USP34: variants seen among roughly 807,000 people sequenced by gnomAD.
USP34 encodes ubiquitin carboxyl-terminal hydrolase 34.
A neutral mutation model predicts 460.3 loss-of-function variants in USP34; 70 were observed. The ratio of observed to expected loss-of-function variants is 0.15; its 90% CI spans 0.13 to 0.19. The LOEUF is 0.19. Among genes scored for constraint, USP34 ranks in the 10% least tolerant of loss-of-function variants. The probability of loss-of-function intolerance (pLI) is 1.00; values close to 1 mark genes in which losing one functional copy is unlikely to be tolerated. For missense variants in USP34, 3,985 were observed against 4,236.2 expected (o/e 0.94, Z 1.65); for synonymous variants, 1,647 against 1,405.3 (o/e 1.17, Z -3.85).
At chr2:61,280,187 T>A (rs1483760310) in intron 39 of USP34, 57 bp downstream of exon 39, 1 of 1,015,344 alleles carries the variant, frequency 9.8e-7, no homozygotes, top group Non-Finnish European at 1.4e-6. Context: ...ACATATGTCA[T>A]AATTCATATT....
intron 27 of USP34, among the ~76,000 whole-genome samples, chr2:61,310,251 G>C (rs1386140353): frequency 6.6e-6 from 1 of 151,998 alleles, no homozygotes; most frequent in Non-Finnish European, 1.5e-5. Context: ...TCCATAATGA[G>C]GTATTTATCC....
intron 3 of USP34, among the ~76,000 whole-genome samples, chr2:61,402,152 T>TGCCTA (rs1693739809): frequency 6.6e-6 from 1 of 151,996 alleles, no homozygotes; most frequent in South Asian, 2.1e-4. Flanking sequence ...CTGTAGTGAA[T>TGCCTA]GCCTAGTGTC....
At chr2:61,386,810 C>A (rs1180400422) in intron 5 of USP34, among the ~76,000 whole-genome samples, 1 of 152,046 alleles carries the variant, frequency 6.6e-6, no homozygotes, top group Admixed American at 6.6e-5. Context: ...ACAAAAAAAA[C>A]TTTGTAAGTA....
rs1016713991 is a variant in USP34, at chr2:61,394,885, T to C, written c.721A>G (p.Ile241Val). ...ACAACTGTAATAAACGCATGTGCTA[T>C]AAGAAATGGCAAAGTTTCAGGAGTT... is the stretch of plus-strand genomic sequence containing the variant. ...YGTPETLPFLIAHAFITVVSN... is the reference protein window; with the variant it reads ...YGTPETLPFLVAHAFITVVSN... The change falls in exon 5 of 80, where the codon ATA becomes GTA. Residue 241 changes from isoleucine (I) to valine (V), a missense_variant. Ile to Val is a conservative substitution (Grantham distance 29). Transcript: ENST00000398571. 1.9e-6 allele frequency: 3 copies of C among 1,596,418 alleles called. No individual in the cohort carries two copies. Among genetic ancestry groups the C allele is most frequent in the East Asian group, 2.3e-5 (1 of 44,186 alleles).
rs1198310836 is a variant in USP34 at position 61,229,002 on chromosome 2, G to C, written c.7200-7C>G. 3 of 1,552,858 alleles carry C rather than the reference G, an allele frequency of 1.9e-6. No homozygotes were observed. The highest frequency in any genetic ancestry group is 4.0e-5 in the Admixed American group (2 of 50,230). Reference sequence around the variant, plus strand: ...GGTATCCATATCATCTGACCTAAGAGACAATTAAATAGATCTTAGAGAATG... The same window carrying C: ...GGTATCCATATCATCTGACCTAAGACACAATTAAATAGATCTTAGAGAATG... On this transcript the variant is annotated splice_region_variant and splice_polypyrimidine_tract_variant and intron_variant, in intron 59 of 79. Coordinates refer to ENST00000398571, the MANE Select transcript of USP34 (RefSeq NM_014709.4).
At position 61,284,927 on chromosome 2, in the gene USP34, A is replaced by G. The variant is rs1418980384; in HGVS notation, c.4780T>C (p.Leu1594=). 6.2e-7 allele frequency: 1 copy of G among 1,611,382 alleles called. No individual in the cohort carries two copies. The highest frequency in any genetic ancestry group is 8.5e-7 in the Non-Finnish European group (1 of 1,179,046). Residue 1594 remains leucine, a synonymous_variant, in exon 35 of 80, where the codon TTG becomes CTG. Coordinates refer to ENST00000398571, the MANE Select transcript of USP34 (RefSeq NM_014709.4). ...VFLVLVQGTS[L]IQRLMSVAYT... The stretch of plus-strand genomic sequence containing the variant: ...GCAACAGACATAAGTCGCTGAATCA[A>G]ACTGGTTCCTTGGACAAGAACAAGA...
chr2:61,367,894 G>A (rs147216143), intron 10 of USP34, among the ~76,000 whole-genome samples: 325 of 152,156 alleles, frequency 2.1e-3, no homozygotes, highest in Non-Finnish European at 3.5e-3. Flanking sequence ...GCTAAAATTC[G>A]TATGAAGAAA....
At chr2:61,367,814 T>C (rs1440677721) in intron 10 of USP34, among the ~76,000 whole-genome samples, 2 of 152,140 alleles carry the variant, frequency 1.3e-5, no homozygotes, top group African/African-American at 4.8e-5. Flanking sequence ...TATCATACTT[T>C]GGACAGGAAG....
chr2:61,335,854 G>A (rs1691400108), intron 18 of USP34, among the ~76,000 whole-genome samples: 1 of 152,178 alleles, frequency 6.6e-6, no homozygotes, highest in South Asian at 2.1e-4. Context: ...TATTCCAAGA[G>A]TTTGTGTTGT....
intron 62 of USP34, among the ~76,000 whole-genome samples, chr2:61,226,355 C>G (rs1360133742): frequency 6.6e-6 from 1 of 152,178 alleles, no homozygotes; most frequent in African/African-American, 2.4e-5. Flanking sequence ...CCCCGAGTGC[C>G]ACTTTTGGCA....
At chr2:61,448,953 G>C (rs893603550) in intron 1 of USP34, among the ~76,000 whole-genome samples, 2 of 152,134 alleles carry the variant, frequency 1.3e-5, no homozygotes, top group African/African-American at 2.4e-5. Flanking sequence ...TTGGGAGTTC[G>C]AGACCAGCCT....
intron 47 of USP34, 87 bp from the exon 48 acceptor site, chr2:61,256,565 A>C: frequency 2.8e-6 from 3 of 1,087,174 alleles, no homozygotes; most frequent in Non-Finnish European, 3.8e-6. Context: ...TTTTGACAGA[A>C]TGCTCAGCAA....
chr2:61,238,006 T>G (rs1038992845), intron 53 of USP34, among the ~76,000 whole-genome samples: 11 of 151,874 alleles, frequency 7.2e-5, no homozygotes, highest in African/African-American at 2.2e-4. Context: ...AGCGATTCTC[T>G]TGCCTCAGCC....
intron 1 of USP34, among the ~76,000 whole-genome samples, chr2:61,462,861 CAA>C (rs11302669): frequency 7.1e-4 from 78 of 110,022 alleles, no homozygotes; most frequent in Non-Finnish European, 6.6e-4. Flanking sequence ...AACTGTTTCC[CAA>C]AAAAAAAAAA....
chr2:61,302,720 A>T (rs1028267368), intron 27 of USP34, among the ~76,000 whole-genome samples: 1 of 152,228 alleles, frequency 6.6e-6, no homozygotes, highest in African/African-American at 2.4e-5. Context: ...TACCAAAATC[A>T]AATTATGGTT....
chr2:61,341,742 G>A (rs914039811), intron 16 of USP34, among the ~76,000 whole-genome samples: 83 of 146,204 alleles, frequency 5.7e-4, no homozygotes, highest in South Asian at 8.9e-4. Context: ...AAACTACCCA[G>A]ACTCAGGTCT....
At chr2:61,435,824 T>C (rs1167071281) in intron 1 of USP34, among the ~76,000 whole-genome samples, 1 of 151,644 alleles carries the variant, frequency 6.6e-6, no homozygotes. Flanking sequence ...AGGTCAGGAG[T>C]TCGAGACCAG....
At chr2:61,441,816 G>GAAAAAAAAAA (rs1694973849) in intron 1 of USP34, among the ~76,000 whole-genome samples, 1 of 60,728 alleles carries the variant, frequency 1.6e-5, no homozygotes, top group African/African-American at 6.6e-5. Flanking sequence ...AAAAAAAAAA[G>GAAAAAAAAAA]AAAAAAGAAA....
intron 74 of USP34, among the ~76,000 whole-genome samples, chr2:61,203,714 G>C (rs1381754919): frequency 6.6e-6 from 1 of 152,004 alleles, no homozygotes; most frequent in African/African-American, 2.4e-5. Context: ...GAAAGATAAA[G>C]GGAAAAATTG....
Sources: allele counts gnomAD v4.1 joint callset (sites outside exome capture counted in the v4.1 genomes callset), GRCh38; gene constraint gnomAD v4.1.1; transcripts MANE v1.5; gene names NCBI Gene and HGNC (gene_info 2026-07-23, HGNC 2026-07-21).